Variants in OR51B5 observed in about 807,000 individuals in gnomAD.
OR51B5 encodes the protein olfactory receptor family 51 subfamily B member 5, also known as olfactory receptor 51B5.
For missense variants in OR51B5, 456 were observed against 374.6 expected (o/e 1.22, Z -1.79); for synonymous variants, 186 against 144.8 (o/e 1.28, Z -2.04).
upstream of OR51B5, among the ~76,000 whole-genome samples, chr11:5,347,454 G>A (rs1849010952): frequency 6.6e-6 from 1 of 152,158 alleles, no homozygotes; most frequent in African/African-American, 2.4e-5. Flanking sequence ...CCTACCAGAA[G>A]TTTTCTCTTT....
intron 1 of OR51B5, chr11:5,440,841 C>T (rs750457267): frequency 2.1e-5 from 34 of 1,613,666 alleles, no homozygotes; most frequent in African/African-American, 2.7e-5. Flanking sequence ...CAGCATGGCT[C>T]TCAGGATCAA....
At chr11:5,493,018 T>C (rs1213437118) in intron 1 of OR51B5, among the ~76,000 whole-genome samples, 1 of 152,172 alleles carries the variant, frequency 6.6e-6, no homozygotes, top group Non-Finnish European at 1.5e-5. Context: ...ATCAGTCTGA[T>C]CCACCGTTGA....
At chr11:5,488,967 T>C (rs749777618) in intron 1 of OR51B5, 2 of 1,614,050 alleles carry the variant, frequency 1.2e-6, no homozygotes, top group South Asian at 2.2e-5. Flanking sequence ...TGCTGGCCAT[T>C]TTGTGGCTCC....
At chr11:5,360,230 T>C (rs188692649) in intron 1 of OR51B5, among the ~76,000 whole-genome samples, 4,665 of 151,694 alleles carry the variant, frequency 0.031, 241 homozygotes, top group African/African-American at 0.11. Context: ...GGAGAAAATT[T>C]TTGCAATCTA....
intron 1 of OR51B5, among the ~76,000 whole-genome samples, chr11:5,361,268 G>T (rs1456043589): frequency 1.3e-5 from 2 of 152,184 alleles, no homozygotes; most frequent in African/African-American, 2.4e-5. Flanking sequence ...TAACCTAGAT[G>T]CAGGAAGAAA....
upstream of OR51B5, among the ~76,000 whole-genome samples, chr11:5,344,926 C>CTAT (rs1848967182): frequency 6.6e-6 from 1 of 152,102 alleles, no homozygotes; most frequent in Admixed American, 6.5e-5. Flanking sequence ...CCTAGAACTG[C>CTAT]ACCTATGAGG....
chr11:5,348,327 T>C (rs1280664350), upstream of OR51B5, among the ~76,000 whole-genome samples: 1 of 148,186 alleles, frequency 6.7e-6, no homozygotes, highest in Non-Finnish European at 1.5e-5. Context: ...TGACTGATTC[T>C]TTAATCTCTC....
At chr11:5,351,121 G>C (rs919408959) in intron 1 of OR51B5, among the ~76,000 whole-genome samples, 2 of 152,124 alleles carry the variant, frequency 1.3e-5, no homozygotes, top group Non-Finnish European at 2.9e-5. Flanking sequence ...TCAGGATGAA[G>C]AGCACCATGA....
At chr11:5,428,584 G>A (rs943759088) in intron 1 of OR51B5, among the ~76,000 whole-genome samples, 2 of 113,626 alleles carry the variant, frequency 1.8e-5, no homozygotes, top group Admixed American at 1.7e-4. Context: ...ATATTAGAAA[G>A]TACATAAACA....
chr11:5,486,378 G>C (rs1173719059), intron 1 of OR51B5, among the ~76,000 whole-genome samples: 1 of 150,870 alleles, frequency 6.6e-6, no homozygotes, highest in African/African-American at 2.4e-5. Context: ...GTTCATTGCT[G>C]TTACCCCAGT....
At chr11:5,434,952 C>G (rs547931049) in intron 1 of OR51B5, among the ~76,000 whole-genome samples, 72 of 152,102 alleles carry the variant, frequency 4.7e-4, no homozygotes, top group Non-Finnish European at 8.8e-4. Context: ...AGTCGGTTAT[C>G]TTTATTTTTC....
At position 5,377,478 on chromosome 11, in the gene OR51B5, C is replaced by G. The variant is rs557225599; in HGVS notation, n.85-30568G>C. Among the ~76,000 whole-genome samples, 9 of 151,816 alleles carry G rather than the reference C, an allele frequency of 5.9e-5. No homozygotes were observed. The South Asian group carries it at 1.9e-3, about 32-fold the overall frequency. ...CTGGCCAGGGCAATTAGGCAGAAGA[C>G]AGGAAAAAAGGGTATTCAATTAAGA... is the stretch of plus-strand genomic sequence containing the variant. On this transcript the variant is annotated intron_variant and non_coding_transcript_variant, in intron 1 of 4. Transcript: ENST00000415970.
At chr11:5,492,284 A>G (rs1213799616) in intron 1 of OR51B5, among the ~76,000 whole-genome samples, 2 of 152,054 alleles carry the variant, frequency 1.3e-5, no homozygotes, top group African/African-American at 4.8e-5. Flanking sequence ...GTAGAATTCA[A>G]AAAAACAAAA....
rs1849114929 is a variant in OR51B5 at position 5,352,533 on chromosome 11, T to A, written n.85-5623A>T. ...AGCATAAGTAACTAGGGAAAGTCATTTCAATGAGAACTAATCAATCCCTGA... is the reference window on the plus strand; with the variant it reads ...AGCATAAGTAACTAGGGAAAGTCATATCAATGAGAACTAATCAATCCCTGA... On this transcript the variant is annotated intron_variant and non_coding_transcript_variant, in intron 1 of 4. Coordinates refer to the OR51B5 transcript ENST00000415970. 3 of 791,782 alleles carry A rather than the reference T, an allele frequency of 3.8e-6. No homozygotes were observed. The South Asian group carries it at 5.0e-5, about 13-fold the overall frequency. The allele number at this position is 791,782 out of a possible 1,614,324, so 49.0% of individuals were successfully genotyped here.
chr11:5,455,374 T>C (rs1045746717), intron 1 of OR51B5: 1 of 148,098 alleles, frequency 6.8e-6, no homozygotes, highest in African/African-American at 2.5e-5. Flanking sequence ...AAGCCTAGGA[T>C]AGACAGACTA....
At chr11:5,410,819 T>A (rs903238095) in intron 1 of OR51B5, among the ~76,000 whole-genome samples, 3 of 152,136 alleles carry the variant, frequency 2.0e-5, no homozygotes, top group African/African-American at 4.8e-5. Flanking sequence ...CATGTCTTAA[T>A]TTTTAACAAA....
chr11:5,381,155 C>T, intron 1 of OR51B5, among the ~76,000 whole-genome samples: 1 of 49,548 alleles, frequency 2.0e-5, no homozygotes, highest in East Asian at 2.7e-4. Context: ...CGCTCGCTCG[C>T]TGTTTCTCTC....
chr11:5,393,124 A>G (rs1179992778), intron 1 of OR51B5: 2 of 152,210 alleles, frequency 1.3e-5, no homozygotes, highest in Non-Finnish European at 2.9e-5. Flanking sequence ...AAAATTTAGG[A>G]TGTAAGCTGT....
chr11:5,452,106 T>C (rs1312551698), intron 1 of OR51B5, among the ~76,000 whole-genome samples: 2 of 152,178 alleles, frequency 1.3e-5, no homozygotes, highest in African/African-American at 4.8e-5. Flanking sequence ...GTTGTGTGAG[T>C]ATACAAATCT....
Sources: gnomAD v4.1 joint callset for allele counts (sites outside exome capture counted in the v4.1 genomes callset) on GRCh38, gnomAD v4.1.1 for gene constraint, MANE v1.5 for transcripts, NCBI Gene and HGNC (gene_info 2026-07-23, HGNC 2026-07-21) for gene names.